The following FAT4 variants were observed in gnomAD, a reference collection of about 807,000 sequenced individuals.
The protein encoded by FAT4 is FAT atypical cadherin 4.
A neutral mutation model predicts 303.9 loss-of-function variants in FAT4; 84 were observed. The observed-to-expected ratio is 0.28, with a 90% CI of 0.23 to 0.33. The LOEUF (loss-of-function observed/expected upper bound fraction) is 0.33, where lower values mean the gene tolerates loss of function less well. FAT4 is among the 10% of genes least tolerant of loss of function. The pLI is 1.00. For synonymous variants in FAT4, 2,307 were observed against 2,298.8 expected (o/e 1.00, Z -0.10); for missense variants, 6,005 against 6,146.8 (o/e 0.98, Z 0.77).
At chr4:125,391,648 A>C (rs2126007235) in intron 2 of FAT4, among the ~76,000 whole-genome samples, 1 of 152,292 alleles carries the variant, frequency 6.6e-6, no homozygotes, top group Non-Finnish European at 1.5e-5. Context: ...CTTTTTTAGA[A>C]GAAATGTTTT....
chr4:125,482,027 G>C (rs146962061), intron 16 of FAT4, among the ~76,000 whole-genome samples: 1 of 152,140 alleles, frequency 6.6e-6, no homozygotes, highest in South Asian at 2.1e-4. Context: ...TTTCTGGTAA[G>C]AATTTATATC....
intron 7 of FAT4, among the ~76,000 whole-genome samples, chr4:125,430,157 T>TA (rs10537393): frequency 4.2e-5 from 6 of 143,876 alleles, no homozygotes; most frequent in African/African-American, 1.5e-4. Context: ...ACTTAAAGTA[T>TA]AAAAAAAAAA....
chr4:125,435,757 C>A (rs191934800), intron 8 of FAT4, among the ~76,000 whole-genome samples: 1 of 151,972 alleles, frequency 6.6e-6, no homozygotes, highest in Admixed American at 6.6e-5. Flanking sequence ...ATATATGTCA[C>A]GATACAGAAT....
chr4:125,456,276 A>G lies in FAT4; in HGVS notation c.11800+3466A>G, dbSNP rs140210059. ...ATTGAGCCTACAGTCTGGTGACTCC[A>G]GGGCCAGAGCTGCCAAAGTCTATAT... On this transcript the variant is annotated intron_variant, in intron 10 of 17. Transcript: ENST00000394329. Among the ~76,000 whole-genome samples the G allele has an allele frequency of 3.5e-3, 527 of 152,260 alleles. 3 individuals are homozygous for G. The highest frequency in any genetic ancestry group is 0.012 in the African/African-American group (503 of 41,550).
At chr4:125,390,948 T>C (rs962956193) in intron 2 of FAT4, among the ~76,000 whole-genome samples, 20 of 152,158 alleles carry the variant, frequency 1.3e-4, no homozygotes, top group Non-Finnish European at 2.8e-4. Flanking sequence ...ATCAGAGAGA[T>C]GCAAATCAAA....
chr4:125,385,908 A>G (rs1371136382), intron 2 of FAT4, among the ~76,000 whole-genome samples: 1 of 152,202 alleles, frequency 6.6e-6, no homozygotes, highest in Admixed American at 6.5e-5. Flanking sequence ...GACAATGAAA[A>G]ATAGAAAACA....
rs1363745417 is a variant in FAT4 at position 125,316,249 on chromosome 4, A to G, written c.-12-151A>G. 8 of 932,922 alleles carry G rather than the reference A, an allele frequency of 8.6e-6. No homozygotes were observed. The East Asian group carries it at 1.9e-4, about 23-fold the overall frequency. 57.8% of individuals were successfully genotyped at this position (932,922 alleles called of 1,614,324 possible). A position where few individuals can be genotyped will look rare whatever the true frequency, so the allele number is the denominator to read the frequency against. On this transcript the variant is annotated intron_variant, in intron 1 of 17. Coordinates refer to ENST00000394329, the MANE Select transcript of FAT4 (RefSeq NM_001291303.3). This position sits in a 1 kb window ranked among gnomAD's most constrained non-coding sequence, Gnocchi z 5.7. ...ACTGGCTACCTAGAGTCTTTTGCTG[A>G]TGCTACTTGCTTTTGCCGGACTGGA... is the stretch of plus-strand genomic sequence containing the variant.
rs372211693 is a variant in FAT4 at position 125,328,295 on chromosome 4, G to A, written c.5175+6709G>A. 3.9e-5 allele frequency among the ~76,000 whole-genome samples: 6 copies of A among 152,236 alleles called. No individual in the cohort carries two copies. In the East Asian group the frequency reaches 9.6e-4, roughly 24 times the overall value. ...CACACATGTAATTATATATTAACAC[G>A]TATGCCCCCATTGTACAAAGACTGT... is the stretch of plus-strand genomic sequence containing the variant. On this transcript the variant is annotated intron_variant, in intron 2 of 17. Coordinates refer to ENST00000394329, the MANE Select transcript of FAT4 (RefSeq NM_001291303.3).
chr4:125,419,599 C>A (rs1329139880), intron 7 of FAT4, among the ~76,000 whole-genome samples: 1 of 152,116 alleles, frequency 6.6e-6, no homozygotes, highest in Non-Finnish European at 1.5e-5. Context: ...AGACAGCATG[C>A]AGTGATTTCT....
intron 2 of FAT4, among the ~76,000 whole-genome samples, chr4:125,357,199 C>A (rs975575068): frequency 6.6e-6 from 1 of 151,924 alleles, no homozygotes; most frequent in African/African-American, 2.4e-5. Flanking sequence ...CAAAAAGAAG[C>A]GTTGAAACCT....
intron 2 of FAT4, 87 bp downstream of exon 2, chr4:125,321,673 C>A (rs906305871): frequency 3.4e-5 from 44 of 1,289,472 alleles, no homozygotes; most frequent in Non-Finnish European, 3.9e-5. Context: ...AATTGTTTAC[C>A]TTCATTGTTT....
intron 2 of FAT4, among the ~76,000 whole-genome samples, chr4:125,353,049 A>G (rs1006986879): frequency 1.3e-5 from 2 of 151,800 alleles, no homozygotes; most frequent in Non-Finnish European, 2.9e-5. Context: ...GATATTGTCA[A>G]ATCTTTGTGA....
chr4:125,334,215 A>C (rs984763516), intron 2 of FAT4, among the ~76,000 whole-genome samples: 1 of 152,074 alleles, frequency 6.6e-6, no homozygotes, highest in African/African-American at 2.4e-5. Context: ...ATCCTCCCAA[A>C]GACATCTCCC....
intron 2 of FAT4, among the ~76,000 whole-genome samples, chr4:125,338,078 T>C (rs1731643243): frequency 6.6e-6 from 1 of 152,172 alleles, no homozygotes; most frequent in African/African-American, 2.4e-5. Context: ...GGATATAACA[T>C]TGAGAACTAT....
At chr4:125,423,872 C>T (rs1202838712) in intron 7 of FAT4, among the ~76,000 whole-genome samples, 1 of 152,210 alleles carries the variant, frequency 6.6e-6, no homozygotes, top group African/African-American at 2.4e-5. Context: ...GCTTTAACTG[C>T]CCCTCTGCAT....
At chr4:125,413,570 A>C (rs1043129888) in intron 5 of FAT4, among the ~76,000 whole-genome samples, 1 of 150,846 alleles carries the variant, frequency 6.6e-6, no homozygotes, top group Non-Finnish European at 1.5e-5. Context: ...AATTAGGCAA[A>C]GGATATTAGA....
At chr4:125,410,898 C>G (rs556956669) in intron 5 of FAT4, among the ~76,000 whole-genome samples, 7 of 151,904 alleles carry the variant, frequency 4.6e-5, no homozygotes, top group Non-Finnish European at 7.4e-5. Context: ...GTTTTGAATA[C>G]GTTTATCAGT....
chr4:125,413,462 G>A (rs1734922083), intron 5 of FAT4, among the ~76,000 whole-genome samples: 2 of 151,854 alleles, frequency 1.3e-5, no homozygotes, highest in South Asian at 2.1e-4. Context: ...AATAAACTAC[G>A]CTTTCAACGA....
chr4:125,396,966 A>AT (rs1560797548), intron 2 of FAT4, among the ~76,000 whole-genome samples: 5 of 118,098 alleles, frequency 4.2e-5, no homozygotes, highest in Middle Eastern at 4.3e-3. Flanking sequence ...ATATATATAT[A>AT]AAATATGTAT....
Sources: allele counts gnomAD v4.1 joint callset (sites outside exome capture counted in the v4.1 genomes callset), GRCh38; gene constraint gnomAD v4.1.1; non-coding constraint Gnocchi (gnomAD v3.1); transcripts MANE v1.5; gene names NCBI Gene and HGNC (gene_info 2026-07-23, HGNC 2026-07-21).